The following NEGR1 variants were observed in gnomAD, a reference collection of about 807,000 sequenced individuals.
NEGR1 encodes the protein IgLON family member 4.
NEGR1 carries 10 observed loss-of-function variants against 40.9 expected under a neutral mutation model. The observed-to-expected ratio is 0.24, with a 90% confidence interval of 0.15 to 0.42. NEGR1 has a LOEUF of 0.42. Among genes scored for constraint, NEGR1 ranks in the 10% least tolerant of loss-of-function variants. NEGR1 has a pLI of 1.00. For synonymous variants in NEGR1, 185 were observed against 166.8 expected, an observed-to-expected ratio of 1.11 and a Z score of -0.84; for missense variants, 352 against 438.9, an observed-to-expected ratio of 0.80 and a Z score of 1.77.
intron 1 of NEGR1, among the ~76,000 whole-genome samples, chr1:72,264,616 C>T (rs1304993687): frequency 2.0e-5 from 3 of 149,896 alleles, no homozygotes; most frequent in Non-Finnish European, 4.5e-5. Flanking sequence ...ATTTGTTATC[C>T]AAATTAAAAT....
At chr1:71,751,935 T>C (rs1237013856) in intron 3 of NEGR1, among the ~76,000 whole-genome samples, 3 of 152,206 alleles carry the variant, frequency 2.0e-5, no homozygotes, top group South Asian at 4.1e-4. Flanking sequence ...TTTAAAGTCA[T>C]AGAATTTGCT....
intron 3 of NEGR1, among the ~76,000 whole-genome samples, chr1:71,700,592 C>A (rs1570229760): frequency 6.6e-6 from 1 of 151,926 alleles, no homozygotes; most frequent in Non-Finnish European, 1.5e-5. Flanking sequence ...CTGAAAAATT[C>A]TATTGGCACT....
At chr1:72,138,899 C>G (rs545434979) in intron 1 of NEGR1, among the ~76,000 whole-genome samples, 2 of 152,052 alleles carry the variant, frequency 1.3e-5, no homozygotes, top group Admixed American at 6.6e-5. Flanking sequence ...GCATGCTGTA[C>G]ATTCTTTCAA....
rs1646241727 is a variant in NEGR1 at position 71,400,730 on chromosome 1, G to A, written c.*6716C>T. On this transcript the variant is annotated 3_prime_UTR_variant, in exon 7 of 7. Transcript: ENST00000357731. ...TGTTAGCAATGAATTTAATTCAATG[G>A]CTTTAAAAATTTTACATCTCGTCTG... The A allele has an allele frequency of 6.6e-6, 1 of 151,910 alleles. No individual in the cohort carries two copies. The highest frequency in any genetic ancestry group is 1.5e-5 in the Non-Finnish European group (1 of 67,998). The allele number at this position is 151,910 out of a possible 1,614,324, so 9.4% of individuals were successfully genotyped here.
intron 6 of NEGR1, among the ~76,000 whole-genome samples, chr1:71,429,917 A>C (rs2101292000): frequency 6.6e-6 from 1 of 152,296 alleles, no homozygotes; most frequent in South Asian, 2.1e-4. Context: ...GGAGGAGGAT[A>C]ATTTACACTT....
At chr1:72,272,745 G>C (rs1655887298) in intron 1 of NEGR1, among the ~76,000 whole-genome samples, 1 of 151,910 alleles carries the variant, frequency 6.6e-6, no homozygotes, top group South Asian at 2.1e-4. Flanking sequence ...TCTATCAACA[G>C]CATGAGCATG....
chr1:71,727,431 C>A (rs1654708928), intron 3 of NEGR1, among the ~76,000 whole-genome samples: 1 of 152,100 alleles, frequency 6.6e-6, no homozygotes, highest in Non-Finnish European at 1.5e-5. Flanking sequence ...TTAGTACTCA[C>A]ACTTCAGACA....
At chr1:71,560,459 A>ATATATATATATATATATATATG (rs1648416997) in intron 6 of NEGR1, among the ~76,000 whole-genome samples, 1 of 143,840 alleles carries the variant, frequency 7.0e-6, no homozygotes, top group Non-Finnish European at 1.5e-5. Context: ...GTATATATAT[A>ATATATATATATATATATATATG]TTTCCAATTA....
chr1:71,455,664 G>T (rs1646667557), intron 6 of NEGR1, among the ~76,000 whole-genome samples: 1 of 152,196 alleles, frequency 6.6e-6, no homozygotes, highest in African/African-American at 2.4e-5. Context: ...GGCGGAGGTT[G>T]CAGTGAGCTG....
chr1:71,745,046 A>C (rs901963142), intron 3 of NEGR1, among the ~76,000 whole-genome samples: 5 of 152,152 alleles, frequency 3.3e-5, no homozygotes, highest in Non-Finnish European at 5.9e-5. Flanking sequence ...CTCTGGACTA[A>C]GGTTTATAAG....
At chr1:72,131,644 C>T (rs547749208) in intron 1 of NEGR1, among the ~76,000 whole-genome samples, 48 of 151,974 alleles carry the variant, frequency 3.2e-4, no homozygotes, top group Non-Finnish European at 6.3e-4. Flanking sequence ...TTAAATCAAG[C>T]GTAAAAATAC....
intron 6 of NEGR1, among the ~76,000 whole-genome samples, chr1:71,450,361 G>A (rs1170183908): frequency 2.7e-5 from 4 of 150,864 alleles, no homozygotes; most frequent in Admixed American, 6.6e-5. Context: ...GCACAGCAAT[G>A]TGCAGTATTA....
intron 1 of NEGR1, among the ~76,000 whole-genome samples, chr1:71,969,180 A>T (rs1646236097): frequency 1.3e-5 from 2 of 151,912 alleles, no homozygotes; most frequent in South Asian, 4.2e-4. Context: ...ACGCCCAGCT[A>T]ATTTTTGTAT....
intron 6 of NEGR1, among the ~76,000 whole-genome samples, chr1:71,408,344 T>C (rs571425603): frequency 6.6e-6 from 1 of 152,010 alleles, no homozygotes; most frequent in Non-Finnish European, 1.5e-5. Context: ...TCTACTGTAA[T>C]GAAAAAGGGA....
intron 1 of NEGR1, among the ~76,000 whole-genome samples, chr1:72,011,701 G>A (rs771326846): frequency 1.3e-5 from 2 of 152,080 alleles, no homozygotes; most frequent in Non-Finnish European, 1.5e-5. Flanking sequence ...AGGAAACATC[G>A]GTGAATGACA....
Position 71,712,183 on chromosome 1 carries a change from A to G in NEGR1, c.536-14044T>C, listed in dbSNP as rs541771594. ...TTTTACTTTATGTAAATATAAAGGC[A>G]AAAGCATATTGATATACTACTATAC... is the stretch of plus-strand genomic sequence containing the variant. On this transcript the variant is annotated intron_variant, in intron 3 of 6. Transcript: ENST00000357731. Among the ~76,000 whole-genome samples the G allele has an allele frequency of 5.9e-5, 9 of 152,362 alleles. No homozygotes were observed. The South Asian group carries it at 1.9e-3, about 32-fold the overall frequency.
At position 71,405,440 on chromosome 1, in the gene NEGR1, A is replaced by G. The variant is rs938910528; in HGVS notation, c.*2006T>C. 2.6e-5 allele frequency: 4 copies of G among 152,286 alleles called. No individual in the cohort carries two copies. Among genetic ancestry groups the G allele is most frequent in the African/African-American group, 9.7e-5 (4 of 41,440 alleles). The allele number at this position is 152,286 out of a possible 1,614,324, so 9.4% of individuals were successfully genotyped here. On this transcript the variant is annotated 3_prime_UTR_variant, in exon 7 of 7. Coordinates refer to ENST00000357731, the MANE Select transcript of NEGR1 (RefSeq NM_173808.3). ...AAAATAATATTTTATAGTTTATTCAACAATTCCACAAAGAATATTTCTTAA... is the reference window on the plus strand; with the variant it reads ...AAAATAATATTTTATAGTTTATTCAGCAATTCCACAAAGAATATTTCTTAA...
At chr1:71,475,946 C>G (rs1486991291) in intron 6 of NEGR1, among the ~76,000 whole-genome samples, 1 of 151,944 alleles carries the variant, frequency 6.6e-6, no homozygotes, top group Non-Finnish European at 1.5e-5. Context: ...AGCCTTGATA[C>G]ACAAAACTTA....
intron 1 of NEGR1, among the ~76,000 whole-genome samples, chr1:72,218,627 T>C (rs1653906072): frequency 6.6e-6 from 1 of 151,848 alleles, no homozygotes; most frequent in Non-Finnish European, 1.5e-5. Flanking sequence ...TTTTTTTTCC[T>C]ATGAGACGAT....
Sources: allele counts gnomAD v4.1 joint callset (sites outside exome capture counted in the v4.1 genomes callset), GRCh38; gene constraint gnomAD v4.1.1; transcripts MANE v1.5; gene names NCBI Gene and HGNC (gene_info 2026-07-23, HGNC 2026-07-21).